Variants in RAP1A observed in about 807,000 individuals in gnomAD.
RAP1A encodes ras-related protein Rap-1A.
Under a neutral mutation model 26.4 loss-of-function variants are expected in RAP1A, and 6 were observed. That is an observed-to-expected ratio of 0.23 (90% CI 0.12 to 0.45). The LOEUF (loss-of-function observed/expected upper bound fraction) is 0.45. RAP1A is among the 20% of genes least tolerant of loss of function. The pLI is 0.99. For synonymous variants in RAP1A, 73 were observed against 79.4 expected (o/e 0.92, Z 0.43); for missense variants, 121 against 217.2 (o/e 0.56, Z 2.78).
intron 1 of RAP1A, among the ~76,000 whole-genome samples, chr1:111,597,871 G>C (rs1455397369): frequency 6.6e-6 from 1 of 152,172 alleles, no homozygotes; most frequent in Non-Finnish European, 1.5e-5. Flanking sequence ...TCTACTATGT[G>C]CTAGCCAGTT....
chr1:111,599,814 T>C (rs568955406), intron 1 of RAP1A: 2 of 152,220 alleles, frequency 1.3e-5, no homozygotes, highest in East Asian at 3.9e-4. Flanking sequence ...TCCCCAGTGT[T>C]GGAGGTGGGG....
At chr1:111,591,354 T>C (rs889170973) in intron 1 of RAP1A, among the ~76,000 whole-genome samples, 5 of 152,206 alleles carry the variant, frequency 3.3e-5, no homozygotes, top group African/African-American at 9.6e-5. Flanking sequence ...AATACTTCCT[T>C]CCATTTACTT....
intron 4 of RAP1A, among the ~76,000 whole-genome samples, chr1:111,697,977 C>A (rs1025843904): frequency 6.6e-6 from 1 of 152,014 alleles, no homozygotes; most frequent in Non-Finnish European, 1.5e-5. Context: ...TTTTTCTAAT[C>A]TTTAAATGAG....
At chr1:111,542,993 G>T (rs992542834) in intron 1 of RAP1A, among the ~76,000 whole-genome samples, 3 of 152,206 alleles carry the variant, frequency 2.0e-5, no homozygotes, top group African/African-American at 7.2e-5. Flanking sequence ...GAGCCATGGC[G>T]CCCGGCCATG....
At chr1:111,548,696 A>T (rs1434892211) in intron 1 of RAP1A, among the ~76,000 whole-genome samples, 1 of 152,206 alleles carries the variant, frequency 6.6e-6, no homozygotes, top group East Asian at 1.9e-4. Flanking sequence ...CTGCCACCGT[A>T]GGCTTCATAT....
chr1:111,654,395 T>A (rs1456305925), intron 1 of RAP1A, among the ~76,000 whole-genome samples: 1 of 152,156 alleles, frequency 6.6e-6, no homozygotes, highest in Non-Finnish European at 1.5e-5. Context: ...GTGGTATCAT[T>A]CCCATTTTAA....
chr1:111,605,627 G>A (rs1326528450), intron 1 of RAP1A, among the ~76,000 whole-genome samples: 1 of 152,188 alleles, frequency 6.6e-6, no homozygotes, highest in Non-Finnish European at 1.5e-5. Flanking sequence ...GGTAGGTGAA[G>A]AAAGGAGGAA....
intron 1 of RAP1A, among the ~76,000 whole-genome samples, chr1:111,606,120 G>A (rs1208997851): frequency 6.6e-6 from 1 of 152,202 alleles, no homozygotes. Context: ...AGCAAGGCTG[G>A]CATGGAAGGA....
chr1:111,580,624 G>A (rs751686055), intron 1 of RAP1A, among the ~76,000 whole-genome samples: 25 of 152,138 alleles, frequency 1.6e-4, no homozygotes, highest in East Asian at 3.9e-4. Context: ...CAAGGCGGGC[G>A]GATCACGAGG....
chr1:111,617,526 A>G (rs1659037577), upstream of RAP1A, among the ~76,000 whole-genome samples: 1 of 152,122 alleles, frequency 6.6e-6, no homozygotes, highest in South Asian at 2.1e-4. Flanking sequence ...TCCGCCTTCC[A>G]GGTTCATGCC....
chr1:111,620,032 G>T, intron 1 of RAP1A, 98 bp downstream of exon 1: 1 of 395,210 alleles, frequency 2.5e-6, no homozygotes, highest in Non-Finnish European at 4.5e-6. Context: ...CCGGTCAGTC[G>T]CCTGGCTCCC....
At chr1:111,608,279 G>A (rs903221067) in intron 1 of RAP1A, 4 of 143,100 alleles carry the variant, frequency 2.8e-5, no homozygotes, top group Non-Finnish European at 4.8e-5. Context: ...CGGGGCAGAG[G>A]CTCTCCCCAC....
chr1:111,610,411 C>A (rs72983189), intron 1 of RAP1A, among the ~76,000 whole-genome samples: 11 of 152,108 alleles, frequency 7.2e-5, no homozygotes, highest in Non-Finnish European at 1.6e-4. Flanking sequence ...TTCTACTTTT[C>A]GGACTCAGCT....
intron 4 of RAP1A, among the ~76,000 whole-genome samples, 172 bp downstream of exon 4, chr1:111,697,669 T>A (rs992236404): frequency 1.3e-5 from 2 of 152,310 alleles, no homozygotes; most frequent in African/African-American, 4.8e-5. Context: ...ATGTAGTTCA[T>A]GCTCACATAT....
At chr1:111,609,056 G>A (rs1328378910) in intron 1 of RAP1A, among the ~76,000 whole-genome samples, 1 of 152,216 alleles carries the variant, frequency 6.6e-6, no homozygotes, top group Non-Finnish European at 1.5e-5. Context: ...AGCATTAAAA[G>A]ATACTTGCAC....
chr1:111,587,735 G>A (rs1007933112), intron 1 of RAP1A, among the ~76,000 whole-genome samples: 3 of 151,918 alleles, frequency 2.0e-5, no homozygotes, highest in African/African-American at 7.3e-5. Context: ...GTGCAATCTG[G>A]CAAACATGTT....
chr1:111,663,418 C>T (rs1660698683), intron 1 of RAP1A, among the ~76,000 whole-genome samples: 1 of 152,190 alleles, frequency 6.6e-6, no homozygotes, highest in Non-Finnish European at 1.5e-5. Flanking sequence ...TCTTGTCTTG[C>T]ATTACCTTTC....
At chr1:111,610,498 T>A (rs1007444723) in intron 1 of RAP1A, among the ~76,000 whole-genome samples, 5 of 151,804 alleles carry the variant, frequency 3.3e-5, no homozygotes, top group African/African-American at 1.2e-4. Context: ...GCTCCTTTTC[T>A]GGCCTTTCTC....
chr1:111,564,658 G>A (rs1475387375), intron 1 of RAP1A, among the ~76,000 whole-genome samples: 1 of 151,608 alleles, frequency 6.6e-6, no homozygotes, highest in African/African-American at 2.4e-5. Context: ...GACCACAGGC[G>A]CCCACCACCA....
Sources: allele counts gnomAD v4.1 joint callset (sites outside exome capture counted in the v4.1 genomes callset), GRCh38; gene constraint gnomAD v4.1.1; transcripts MANE v1.5; gene names NCBI Gene and HGNC (gene_info 2026-07-23, HGNC 2026-07-21).